GALNT9: variants seen among roughly 807,000 people sequenced by gnomAD.
GALNT9 encodes GalNAc transferase 9.
A neutral mutation model predicts 63.1 loss-of-function variants in GALNT9; 47 were observed. The observed-to-expected ratio is 0.75, with a 90% CI of 0.59 to 0.95. The LOEUF (loss-of-function observed/expected upper bound fraction) is 0.95, where lower values mean the gene tolerates loss of function less well. GALNT9 is among the 40% of genes least tolerant of loss of function. The pLI, the probability that GALNT9 is intolerant of heterozygous loss-of-function variation, is 0.00. For synonymous variants in GALNT9, 396 were observed against 365.7 expected (o/e 1.08, Z -0.94); for missense variants, 829 against 874.8 (o/e 0.95, Z 0.66).
In GALNT9 at chr12:132,286,577, C is replaced by T. The variant is rs1369115708; in HGVS notation, c.239-147G>A. ...CCCTGCAGATGGCAGGCTGCCAGCT[C>T]AGGACATTCCAGAAAGTGCAAGGCT... On this transcript the variant is annotated intron_variant, in intron 1 of 10. Transcript: ENST00000328957. This position sits in a 1 kb window ranked among gnomAD's most constrained non-coding sequence, Gnocchi z 7.4. 7.7e-7 allele frequency: 1 copy of T among 1,305,362 alleles called. No homozygotes were observed. The allele number at this position is 1,305,362 out of a possible 1,614,324, so 80.9% of individuals were successfully genotyped here.
intron 1 of GALNT9, among the ~76,000 whole-genome samples, chr12:132,309,252 G>A (rs556472390): frequency 1.3e-5 from 2 of 152,342 alleles, no homozygotes; most frequent in Admixed American, 6.5e-5. Context: ...TCTGCCATGC[G>A]GGGCAGAGAT....
intron 6 of GALNT9, among the ~76,000 whole-genome samples, chr12:132,234,968 G>A (rs1877942276): frequency 6.3e-5 from 1 of 15,832 alleles, no homozygotes; most frequent in Non-Finnish European, 9.7e-5. Flanking sequence ...TCGATGGGGC[G>A]ACAGAGGAGA....
At position 132,247,937 on chromosome 12, in the gene GALNT9, G is replaced by A. The variant is rs1051999390; in HGVS notation, c.1050C>T (p.Gly350=). The A allele has an allele frequency of 1.0e-5, 16 of 1,551,266 alleles. No individual in the cohort carries two copies. Among genetic ancestry groups the A allele is most frequent in the East Asian group, 2.4e-5 (1 of 40,942 alleles). ...GLLDPGMEVY[G]GENVELGMRV... The stretch of plus-strand genomic sequence containing the variant: ...TCATGCCCAGTTCTACGTTCTCGCC[G>A]CCATACACCTCCATGCCGGGGTCCA... Residue 350 remains glycine, a synonymous_variant, in exon 6 of 11, where the codon GGC becomes GGT. Coordinates refer to ENST00000328957, the MANE Select transcript of GALNT9 (RefSeq NM_001122636.2).
chr12:132,286,218 C>A lies in GALNT9; in HGVS notation c.419+32G>T, dbSNP rs782109896. On this transcript the variant is annotated intron_variant, in intron 2 of 10. Transcript: ENST00000328957. The surrounding 1 kb of genome is among the most constrained non-coding windows in gnomAD (Gnocchi z 7.4). The stretch of plus-strand genomic sequence containing the variant: ...GGGGGGCGGTCACTTCCTCGGCGGG[C>A]GTCGGGGGATGGGGGGCAGTCACTC... The A allele has an allele frequency of 1.1e-5, 17 of 1,527,330 alleles. No individual in the cohort carries two copies. The Admixed American group carries it at 1.4e-4, about 13-fold the overall frequency. 94.6% of individuals were successfully genotyped at this position (1,527,330 alleles called of 1,614,324 possible).
intron 1 of GALNT9, among the ~76,000 whole-genome samples, chr12:132,302,347 A>G (rs539461072): frequency 7.8e-4 from 119 of 152,130 alleles, no homozygotes; most frequent in Admixed American, 1.8e-3. Flanking sequence ...AAGATCACGT[A>G]ATGCCTCAGC....
At chr12:132,303,089 G>A (rs1881368892) in intron 1 of GALNT9, among the ~76,000 whole-genome samples, 1 of 150,920 alleles carries the variant, frequency 6.6e-6, no homozygotes, top group Admixed American at 6.6e-5. Context: ...CTCTCTCTCG[G>A]GAAAGCCTCC....
In GALNT9 at chr12:132,246,495, A is replaced by G. The variant is rs566139072; in HGVS notation, c.1077+1415T>C. 4.8e-4 allele frequency among the ~76,000 whole-genome samples: 73 copies of G among 152,354 alleles called. No homozygotes were observed. Among genetic ancestry groups the G allele is most frequent in the Middle Eastern group, 6.8e-3 (2 of 294 alleles). ...GGCTCAAGGGACTTTAAAGGCACAA[A>G]AGCAGTGAATTCTGTTTCACGGTAT... On this transcript the variant is annotated intron_variant, in intron 6 of 10. Coordinates refer to ENST00000328957, the MANE Select transcript of GALNT9 (RefSeq NM_001122636.2). This position sits in a 1 kb window ranked among gnomAD's most constrained non-coding sequence, Gnocchi z 4.7.
At chr12:132,302,963 G>A (rs1280251625) in intron 1 of GALNT9, among the ~76,000 whole-genome samples, 9 of 131,002 alleles carry the variant, frequency 6.9e-5, no homozygotes, top group African/African-American at 1.4e-4. Flanking sequence ...TCCGGTGACC[G>A]TCTAAGGGGG....
chr12:132,202,452 A>G (rs1232683383), intron 7 of GALNT9, among the ~76,000 whole-genome samples: 2 of 152,100 alleles, frequency 1.3e-5, no homozygotes, highest in African/African-American at 4.8e-5. Flanking sequence ...GCCCGGGGCC[A>G]CTTCAGGCCG....
At chr12:132,207,527 C>T (rs1030799962) in intron 6 of GALNT9, among the ~76,000 whole-genome samples, 7 of 152,168 alleles carry the variant, frequency 4.6e-5, no homozygotes, top group African/African-American at 7.2e-5. Context: ...GCTGAGCTTG[C>T]GGGTGGTGCC....
chr12:132,235,360 A>C (rs1011586200), intron 6 of GALNT9, among the ~76,000 whole-genome samples: 1 of 152,160 alleles, frequency 6.6e-6, no homozygotes, highest in African/African-American at 2.4e-5. Flanking sequence ...GCTTCCAAAC[A>C]AACTGTGTGG....
intron 6 of GALNT9, chr12:132,240,814 TCCCAAGGCCG>T (rs1878258093): frequency 2.4e-6 from 1 of 420,608 alleles, no homozygotes; most frequent in African/African-American, 2.1e-5. Context: ...CACACACCCT[TCCCAAGGCCG>T]TCCCTATACC....
intron 8 of GALNT9, 95 bp from the exon 9 acceptor site, chr12:132,199,364 A>T: frequency 1.1e-6 from 1 of 888,690 alleles, no homozygotes; most frequent in Non-Finnish European, 1.8e-6. Flanking sequence ...GCACCTAAGG[A>T]GGTGCCCGCG....
At chr12:132,268,164 C>T (rs1012641511) in intron 2 of GALNT9, among the ~76,000 whole-genome samples, 3 of 151,934 alleles carry the variant, frequency 2.0e-5, no homozygotes, top group East Asian at 3.9e-4. Flanking sequence ...CACACAAGCA[C>T]ACTCTCAAAC....
At chr12:132,204,544 C>T (rs908955661) in intron 6 of GALNT9, among the ~76,000 whole-genome samples, 4 of 152,162 alleles carry the variant, frequency 2.6e-5, no homozygotes, top group African/African-American at 9.7e-5. Context: ...TCCTCCCCTG[C>T]CTTCAGGCTT....
At chr12:132,284,934 G>A (rs1438980973) in intron 2 of GALNT9, among the ~76,000 whole-genome samples, 1 of 152,224 alleles carries the variant, frequency 6.6e-6, no homozygotes, top group Non-Finnish European at 1.5e-5. Flanking sequence ...GTCCACACAT[G>A]GGGAACCCCA....
At chr12:132,328,776 C>G (rs1215559921) in intron 1 of GALNT9, among the ~76,000 whole-genome samples, 190 bp downstream of exon 1, 13 of 152,206 alleles carry the variant, frequency 8.5e-5, no homozygotes, top group Non-Finnish European at 1.3e-4. Context: ...GTGCCCGGTG[C>G]GGGGGGAACC....
chr12:132,314,806 C>G (rs1380858085), intron 1 of GALNT9, among the ~76,000 whole-genome samples: 1 of 152,240 alleles, frequency 6.6e-6, no homozygotes, highest in African/African-American at 2.4e-5. Flanking sequence ...CCTCCAATTT[C>G]CCGTGGAATC....
rs1311289498 is a variant in GALNT9, at chr12:132,296,816, G to A, written c.239-10386C>T. ...TGCTGTGTCATCCCATGTGGACGGC[G>A]AGAGCACACACGCATTGGGGGCTGG... is the stretch of plus-strand genomic sequence containing the variant. On this transcript the variant is annotated intron_variant, in intron 1 of 10. Transcript: ENST00000328957. The surrounding 1 kb of genome is among the most constrained non-coding windows in gnomAD (Gnocchi z 4.2). Among the ~76,000 whole-genome samples, 2 of 151,424 alleles carry A rather than the reference G, an allele frequency of 1.3e-5. No homozygotes were observed. Among genetic ancestry groups the A allele is most frequent in the African/African-American group, 4.9e-5 (2 of 41,100 alleles).
Sources: gnomAD v4.1 joint callset for allele counts (sites outside exome capture counted in the v4.1 genomes callset) on GRCh38, gnomAD v4.1.1 for gene constraint, Gnocchi (gnomAD v3.1) non-coding constraint, MANE v1.5 for transcripts, NCBI Gene and HGNC (gene_info 2026-07-23, HGNC 2026-07-21) for gene names.